PRKCE: variants seen among roughly 807,000 people sequenced by gnomAD.
PRKCE encodes protein kinase C epsilon type.
PRKCE carries 16 observed loss-of-function variants against 85.4 expected under a neutral mutation model. The observed-to-expected ratio is 0.19, with a 90% confidence interval of 0.13 to 0.28. The LOEUF (loss-of-function observed/expected upper bound fraction) is 0.28. Ranked by LOEUF, PRKCE falls within the 10% of genes least tolerant of loss-of-function variation. The pLI, the probability that PRKCE is intolerant of heterozygous loss-of-function variation, is 1.00. For missense variants in PRKCE, 573 were observed against 975.2 expected (o/e 0.59, Z 5.49); for synonymous variants, 388 against 371.5 (o/e 1.04, Z -0.51).
intron 1 of PRKCE, among the ~76,000 whole-genome samples, chr2:45,779,009 C>A (rs187270578): frequency 6.6e-6 from 1 of 152,196 alleles, no homozygotes; most frequent in South Asian, 2.1e-4. Flanking sequence ...GAAACAGGTG[C>A]AGGGAGTTTT....
intron 1 of PRKCE, among the ~76,000 whole-genome samples, chr2:45,798,385 C>T (rs138818885): frequency 2.7e-4 from 41 of 152,308 alleles, no homozygotes; most frequent in African/African-American, 9.4e-4. Context: ...GCTCTCCCCA[C>T]CAAAACACGT....
rs566561626 is a variant in PRKCE, at chr2:45,910,880, C to T, written c.413-65549C>T. ...ACGCTGGTCCTGCTGTGCAGCAAAC[C>T]GTACAACTTGAAGGCCTGGCAAGCA... is the stretch of plus-strand genomic sequence containing the variant. On this transcript the variant is annotated intron_variant, in intron 2 of 14. Transcript: ENST00000306156. Among the ~76,000 whole-genome samples the T allele has an allele frequency of 7.2e-5, 11 of 152,246 alleles. No individual in the cohort carries two copies. The East Asian group carries it at 1.4e-3, about 19-fold the overall frequency.
chr2:46,151,920 T>C (rs368270266), intron 13 of PRKCE, among the ~76,000 whole-genome samples: 2 of 141,788 alleles, frequency 1.4e-5, no homozygotes, highest in Admixed American at 1.4e-4. Context: ...TTGAAATCCG[T>C]GAAAGCTGAG....
At chr2:46,067,252 C>T (rs182519665) in intron 10 of PRKCE, among the ~76,000 whole-genome samples, 1 of 152,302 alleles carries the variant, frequency 6.6e-6, no homozygotes, top group East Asian at 1.9e-4. Context: ...TGAACAAGTG[C>T]CAAATGAATG....
intron 2 of PRKCE, among the ~76,000 whole-genome samples, chr2:45,847,257 A>G (rs1295801182): frequency 6.6e-6 from 1 of 152,208 alleles, no homozygotes; most frequent in Non-Finnish European, 1.5e-5. Context: ...TCTCCTTGTC[A>G]GAGCCTGGGC....
At chr2:46,164,568 A>G (rs1678131971) in intron 14 of PRKCE, among the ~76,000 whole-genome samples, 1 of 152,188 alleles carries the variant, frequency 6.6e-6, no homozygotes, top group Admixed American at 6.5e-5. Flanking sequence ...AGCTGGCCAT[A>G]CTGAATCTGG....
At chr2:45,926,124 A>G (rs116409562) in intron 2 of PRKCE, among the ~76,000 whole-genome samples, 2,060 of 152,350 alleles carry the variant, frequency 0.014, 32 homozygotes, top group African/African-American at 0.047. Context: ...TGAAGTATAA[A>G]TAACTCAAAT....
At chr2:45,741,951 G>T (rs930675102) in intron 1 of PRKCE, among the ~76,000 whole-genome samples, 1 of 152,232 alleles carries the variant, frequency 6.6e-6, no homozygotes, top group Non-Finnish European at 1.5e-5. Flanking sequence ...GCACTTGACT[G>T]TGTGTCCTAT....
chr2:45,985,113 T>G (rs1703206807), intron 6 of PRKCE, among the ~76,000 whole-genome samples: 1 of 152,206 alleles, frequency 6.6e-6, no homozygotes, highest in Admixed American at 6.5e-5. Context: ...GCCAGAACCT[T>G]GTCACATAAG....
intron 2 of PRKCE, among the ~76,000 whole-genome samples, chr2:45,973,188 C>T (rs916037442): frequency 1.3e-5 from 2 of 152,084 alleles, no homozygotes; most frequent in Non-Finnish European, 2.9e-5. Context: ...GACTCCAGGC[C>T]CCAGTAGGGA....
intron 2 of PRKCE, chr2:45,851,657 T>C (rs967119138): frequency 1.3e-5 from 2 of 152,228 alleles, no homozygotes; most frequent in Non-Finnish European, 2.9e-5. Flanking sequence ...AAAATTGAAT[T>C]ATATAGAAAT....
chr2:45,815,350 C>A (rs1688956796), intron 1 of PRKCE, among the ~76,000 whole-genome samples: 1 of 152,184 alleles, frequency 6.6e-6, no homozygotes, highest in Non-Finnish European at 1.5e-5. Flanking sequence ...GCAGTGATGC[C>A]AGAGGATTCT....
intron 14 of PRKCE, among the ~76,000 whole-genome samples, chr2:46,163,649 A>G (rs111996101): frequency 0.021 from 1,655 of 78,932 alleles, 19 homozygotes; most frequent in East Asian, 0.044. Context: ...TGAGAGACAC[A>G]GGGAAGCTGA....
At chr2:45,968,064 A>ACC (rs1701849214) in intron 2 of PRKCE, among the ~76,000 whole-genome samples, 1 of 152,180 alleles carries the variant, frequency 6.6e-6, no homozygotes, top group Admixed American at 6.5e-5. Flanking sequence ...AAGATCATGC[A>ACC]TGTTGGCAAG....
intron 6 of PRKCE, among the ~76,000 whole-genome samples, chr2:45,992,832 A>C (rs1558932007): frequency 1.3e-5 from 2 of 152,320 alleles, no homozygotes; most frequent in Non-Finnish European, 1.5e-5. Context: ...GTGTGATAGA[A>C]GGTGAAAGTC....
At chr2:46,107,747 C>G (rs1027572901) in intron 11 of PRKCE, among the ~76,000 whole-genome samples, 1 of 152,158 alleles carries the variant, frequency 6.6e-6, no homozygotes, top group African/African-American at 2.4e-5. Flanking sequence ...GGATTGTAGT[C>G]ATTCTAATAG....
At chr2:45,839,454 G>A (rs1161469194) in intron 1 of PRKCE, among the ~76,000 whole-genome samples, 1 of 152,204 alleles carries the variant, frequency 6.6e-6, no homozygotes, top group Non-Finnish European at 1.5e-5. Context: ...TGGGATATGA[G>A]GTCCAAGGAG....
chr2:45,722,416 G>C (rs1480205578), intron 1 of PRKCE, among the ~76,000 whole-genome samples: 1 of 152,122 alleles, frequency 6.6e-6, no homozygotes, highest in Non-Finnish European at 1.5e-5. Flanking sequence ...AAAAGCGTTA[G>C]TATTATTGTA....
At chr2:45,867,942 C>T (rs1246700324) in intron 2 of PRKCE, among the ~76,000 whole-genome samples, 3 of 152,244 alleles carry the variant, frequency 2.0e-5, no homozygotes, top group African/African-American at 7.2e-5. Flanking sequence ...CTGAACGTCT[C>T]ACTAGTTGGC....
Sources: allele counts gnomAD v4.1 joint callset (sites outside exome capture counted in the v4.1 genomes callset), GRCh38; gene constraint gnomAD v4.1.1; transcripts MANE v1.5; gene names NCBI Gene and HGNC (gene_info 2026-07-23, HGNC 2026-07-21).